The following NEGR1 variants were observed in gnomAD, a reference collection of about 807,000 sequenced individuals.
NEGR1 encodes neuronal growth regulator 1.
NEGR1 carries 10 observed loss-of-function variants against 40.9 expected under a neutral mutation model. That is an observed-to-expected ratio of 0.24 (90% confidence interval 0.15 to 0.42). The LOEUF (loss-of-function observed/expected upper bound fraction) is 0.42. NEGR1 is among the 10% of genes least tolerant of loss of function. The pLI is 1.00. For synonymous variants in NEGR1, 185 were observed against 166.8 expected (o/e 1.11, Z -0.84); for missense variants, 352 against 438.9 (o/e 0.80, Z 1.77).
chr1:72,276,251 T>C (rs558292531), intron 1 of NEGR1, among the ~76,000 whole-genome samples: 1 of 152,164 alleles, frequency 6.6e-6, no homozygotes, highest in Non-Finnish European at 1.5e-5. Flanking sequence ...AGTCAAATGG[T>C]TCAATTAGGG....
At chr1:72,003,923 T>G (rs1390173643) in intron 1 of NEGR1, among the ~76,000 whole-genome samples, 1 of 152,150 alleles carries the variant, frequency 6.6e-6, no homozygotes, top group Non-Finnish European at 1.5e-5. Flanking sequence ...TGAGCCATTT[T>G]CTATGGAGAA....
intron 4 of NEGR1, among the ~76,000 whole-genome samples, chr1:71,682,590 T>C (rs565827906): frequency 2.0e-5 from 3 of 152,194 alleles, no homozygotes; most frequent in Non-Finnish European, 4.4e-5. Context: ...TTTCACCTAT[T>C]TGGGACAACA....
intron 6 of NEGR1, among the ~76,000 whole-genome samples, chr1:71,537,344 A>C (rs1458655263): frequency 6.6e-6 from 1 of 151,684 alleles, no homozygotes; most frequent in Non-Finnish European, 1.5e-5. Context: ...TCCTATTAAC[A>C]TTCATTATAT....
At chr1:72,016,610 T>G (rs559382449) in intron 1 of NEGR1, among the ~76,000 whole-genome samples, 1 of 152,284 alleles carries the variant, frequency 6.6e-6, no homozygotes, top group East Asian at 1.9e-4. Context: ...CCTTAAATGC[T>G]GAGATCTTGC....
chr1:72,181,311 A>C (rs998738238), intron 1 of NEGR1, among the ~76,000 whole-genome samples: 13 of 152,208 alleles, frequency 8.5e-5, no homozygotes, highest in African/African-American at 2.6e-4. Flanking sequence ...AGAGAGGACA[A>C]CCTGGATGGT....
chr1:72,281,621 G>A (rs1656254683), intron 1 of NEGR1, among the ~76,000 whole-genome samples: 1 of 151,904 alleles, frequency 6.6e-6, no homozygotes, highest in Non-Finnish European at 1.5e-5. Flanking sequence ...AGAAAAAAGG[G>A]TAAAAGAGAG....
intron 1 of NEGR1, among the ~76,000 whole-genome samples, chr1:72,160,573 C>G (rs1570059058): frequency 6.6e-6 from 1 of 152,140 alleles, no homozygotes; most frequent in East Asian, 1.9e-4. Context: ...GTATTGAAAT[C>G]CAAATTTGGA....
rs939106747 is a variant in NEGR1, at chr1:71,400,329, C to G, written c.*7117G>C. 1.3e-5 allele frequency: 2 copies of G among 152,026 alleles called. No individual in the cohort carries two copies. Among genetic ancestry groups the G allele is most frequent in the Non-Finnish European group, 2.9e-5 (2 of 68,000 alleles). 9.4% of individuals were successfully genotyped at this position (152,026 alleles called of 1,614,324 possible). A position where few individuals can be genotyped will look rare whatever the true frequency, so the allele number is the denominator to read the frequency against. On this transcript the variant is annotated 3_prime_UTR_variant, in exon 7 of 7. Coordinates refer to ENST00000357731, the MANE Select transcript of NEGR1 (RefSeq NM_173808.3). ...CTATAGCTTCTTGCAATGTTTTTAT[C>G]ATTATCATAGTATTTGGTTGATGAA...
Position 72,231,358 on chromosome 1 carries a change from T to A in NEGR1, c.176+50961A>T, listed in dbSNP as rs77499586. Among the ~76,000 whole-genome samples, 113 of 152,262 alleles carry A rather than the reference T, an allele frequency of 7.4e-4. 2 individuals carry two copies. The East Asian group carries it at 0.021, about 28-fold the overall frequency. On this transcript the variant is annotated intron_variant, in intron 1 of 6. Transcript: ENST00000357731. ...AAGAGGACAAACTCTGAATCAAGAA[T>A]GCCTGGATATGAACCTTACTCCACC...
At chr1:71,641,671 G>C (rs1309936472) in intron 4 of NEGR1, among the ~76,000 whole-genome samples, 1 of 151,982 alleles carries the variant, frequency 6.6e-6, no homozygotes, top group East Asian at 1.9e-4. Flanking sequence ...ACCATAAGCA[G>C]AGTGGGAATG....
chr1:71,509,193 T>C (rs1369503427), intron 6 of NEGR1, among the ~76,000 whole-genome samples: 1 of 152,148 alleles, frequency 6.6e-6, no homozygotes, highest in Non-Finnish European at 1.5e-5. Context: ...CCACAAGTGG[T>C]TCCGTTTCCC....
chr1:71,673,108 G>A (rs1241682422), intron 4 of NEGR1, among the ~76,000 whole-genome samples: 10 of 151,850 alleles, frequency 6.6e-5, no homozygotes, highest in African/African-American at 1.5e-4. Context: ...GCATTTTGGC[G>A]GGCGCCTGTA....
chr1:72,223,695 A>G (rs1654084280), intron 1 of NEGR1, among the ~76,000 whole-genome samples: 1 of 152,180 alleles, frequency 6.6e-6, no homozygotes, highest in Non-Finnish European at 1.5e-5. Flanking sequence ...ATAAATTACA[A>G]TAATTCTGAT....
intron 1 of NEGR1, among the ~76,000 whole-genome samples, chr1:72,057,777 G>A (rs1647125530): frequency 6.6e-6 from 1 of 151,448 alleles, no homozygotes; most frequent in African/African-American, 2.4e-5. Context: ...GCCTCTCCTT[G>A]GATTGCAGAT....
chr1:71,545,852 A>G (rs965267287), intron 6 of NEGR1, among the ~76,000 whole-genome samples: 4 of 151,594 alleles, frequency 2.6e-5, no homozygotes, highest in Non-Finnish European at 5.9e-5. Flanking sequence ...ATATATTTCT[A>G]TATTTTGGAT....
At chr1:72,069,383 G>A (rs1046909401) in intron 1 of NEGR1, among the ~76,000 whole-genome samples, 1 of 152,042 alleles carries the variant, frequency 6.6e-6, no homozygotes, top group Non-Finnish European at 1.5e-5. Context: ...GGCAGAGGTT[G>A]CAGTGTACCA....
At chr1:72,121,086 A>G (rs376130847) in intron 1 of NEGR1, among the ~76,000 whole-genome samples, 35 of 151,956 alleles carry the variant, frequency 2.3e-4, no homozygotes, top group African/African-American at 7.5e-4. Flanking sequence ...ATTTTCTTAC[A>G]GTTCTTTTTT....
chr1:72,169,285 A>G (rs147040070), intron 1 of NEGR1, among the ~76,000 whole-genome samples: 17 of 152,124 alleles, frequency 1.1e-4, no homozygotes, highest in African/African-American at 4.1e-4. Context: ...TCATATTTTT[A>G]TGTCTTTTAG....
chr1:71,655,539 A>G (rs1651849012), intron 4 of NEGR1, among the ~76,000 whole-genome samples: 1 of 152,174 alleles, frequency 6.6e-6, no homozygotes, highest in East Asian at 1.9e-4. Context: ...AATATAAACA[A>G]ATGCAGAATA....
Sources: allele counts gnomAD v4.1 joint callset (sites outside exome capture counted in the v4.1 genomes callset), GRCh38; gene constraint gnomAD v4.1.1; transcripts MANE v1.5; gene names NCBI Gene and HGNC (gene_info 2026-07-23, HGNC 2026-07-21).